TBXAS1: variants seen among roughly 807,000 people sequenced by gnomAD.
The protein encoded by TBXAS1 is thromboxane-A synthase.
Under a neutral mutation model 60.7 loss-of-function variants are expected in TBXAS1, and 48 were observed. That is an observed-to-expected ratio of 0.79 (90% CI 0.63 to 1.01). TBXAS1 has a LOEUF of 1.01. TBXAS1 is among the 50% of genes least tolerant of loss of function. The pLI is 0.00. For missense variants in TBXAS1, 685 were observed against 686.3 expected, an observed-to-expected ratio of 1.00 and a Z score of 0.02; for synonymous variants, 287 against 269.7, an observed-to-expected ratio of 1.06 and a Z score of -0.63.
intron 5 of TBXAS1, among the ~76,000 whole-genome samples, chr7:139,940,125 A>G (rs1185050274): frequency 6.6e-6 from 1 of 152,168 alleles, no homozygotes; most frequent in African/African-American, 2.4e-5. Context: ...GAGAGGAAAG[A>G]GTTTTCCTAA....
At chr7:140,005,189 A>G (rs1391791293) in intron 9 of TBXAS1, among the ~76,000 whole-genome samples, 1 of 152,276 alleles carries the variant, frequency 6.6e-6, no homozygotes, top group East Asian at 1.9e-4. Flanking sequence ...AGCACTTTGG[A>G]AGGCCGAGGC....
intron 9 of TBXAS1, among the ~76,000 whole-genome samples, chr7:139,990,079 A>T (rs1211766846): frequency 1.3e-5 from 2 of 152,180 alleles, no homozygotes; most frequent in Non-Finnish European, 2.9e-5. Context: ...ATGAAATGAC[A>T]CAAGTGAAAC....
chr7:139,797,135 AAAG>A (rs1760807732), intron 4 of TBXAS1: 1 of 152,252 alleles, frequency 6.6e-6, no homozygotes, highest in African/African-American at 2.4e-5. Flanking sequence ...ACATAAATAG[AAAG>A]AAGGCCTACC....
At chr7:139,786,179 A>G (rs1473823458) in intron 3 of TBXAS1, among the ~76,000 whole-genome samples, 2 of 151,598 alleles carry the variant, frequency 1.3e-5, no homozygotes, top group Non-Finnish European at 2.9e-5. Context: ...TGATAAGGGA[A>G]ATGATTTCAT....
intron 9 of TBXAS1, among the ~76,000 whole-genome samples, chr7:139,977,394 C>T (rs952059868): frequency 6.6e-6 from 1 of 152,126 alleles, no homozygotes; most frequent in African/African-American, 2.4e-5. Context: ...CTCACTATCA[C>T]GAGAACAGCA....
chr7:139,905,009 T>TTCTTTCTTTCTTTCTC, intron 3 of TBXAS1, among the ~76,000 whole-genome samples: 1 of 63,948 alleles, frequency 1.6e-5, no homozygotes, highest in East Asian at 3.9e-4. Context: ...CTTTCTCTCT[T>TTCTTTCTTTCTTTCTC]TCTTTCTTTC....
At chr7:139,984,604 A>G (rs1307022683) in intron 9 of TBXAS1, among the ~76,000 whole-genome samples, 1 of 134,930 alleles carries the variant, frequency 7.4e-6, no homozygotes, top group East Asian at 2.2e-4. Context: ...AAATAAAAAA[A>G]TAAGAAAGAA....
At chr7:139,874,807 G>A (rs1802098607) in intron 2 of TBXAS1, among the ~76,000 whole-genome samples, 1 of 152,116 alleles carries the variant, frequency 6.6e-6, no homozygotes, top group African/African-American at 2.4e-5. Flanking sequence ...ATTATAAAAT[G>A]TGTCTAGCCA....
At chr7:139,863,932 C>A (rs1423098093) in intron 1 of TBXAS1, among the ~76,000 whole-genome samples, 7 of 152,062 alleles carry the variant, frequency 4.6e-5, no homozygotes, top group African/African-American at 1.7e-4. Flanking sequence ...ATCTTCAACC[C>A]AATAAAGGAT....
In TBXAS1 at chr7:139,927,924, A is replaced by G. The variant is rs978347534; in HGVS notation, c.334-8267A>G. On this transcript the variant is annotated intron_variant, in intron 4 of 12. Coordinates refer to ENST00000448866, the MANE Select transcript of TBXAS1 (RefSeq NM_001061.7). ...TTTATAGAGATTTCTCAAATTTTCTATGTTAGACAATCATGCCATCTACAA... is the reference window on the plus strand; with the variant it reads ...TTTATAGAGATTTCTCAAATTTTCTGTGTTAGACAATCATGCCATCTACAA... Among the ~76,000 whole-genome samples the G allele has an allele frequency of 2.6e-5, 4 of 152,264 alleles. No individual in the cohort carries two copies. The East Asian group carries it at 5.8e-4, about 22-fold the overall frequency.
intron 3 of TBXAS1, among the ~76,000 whole-genome samples, chr7:139,900,400 C>G (rs1393533323): frequency 1.3e-5 from 2 of 152,152 alleles, no homozygotes. Flanking sequence ...TATTAATCTC[C>G]AGGACCCATG....
rs1412459566 is a variant in TBXAS1, at chr7:139,990,996, T to C, written c.1135-16095T>C. Reference sequence around the variant, plus strand: ...GAGACACGAAGACAAAAGAAACAAATGATTCCTTAAGATCCATGGCCAAAA... The same window carrying C: ...GAGACACGAAGACAAAAGAAACAAACGATTCCTTAAGATCCATGGCCAAAA... On this transcript the variant is annotated intron_variant, in intron 9 of 12. Transcript: ENST00000448866. 3.9e-5 allele frequency among the ~76,000 whole-genome samples: 6 copies of C among 152,156 alleles called. No individual in the cohort carries two copies. In the East Asian group the frequency reaches 1.2e-3, roughly 30 times the overall value.
intron 6 of TBXAS1, among the ~76,000 whole-genome samples, chr7:139,954,340 C>G (rs975059192): frequency 6.6e-6 from 1 of 152,200 alleles, no homozygotes; most frequent in South Asian, 2.1e-4. Context: ...GATAAGGTGG[C>G]CTCATCAGCT....
At chr7:140,017,148 C>T (rs1815144767) in intron 11 of TBXAS1, among the ~76,000 whole-genome samples, 1 of 152,226 alleles carries the variant, frequency 6.6e-6, no homozygotes, top group Non-Finnish European at 1.5e-5. Flanking sequence ...GCAAAGCAAA[C>T]ACGGGCAGGA....
chr7:139,945,729 T>C (rs1431220189), intron 5 of TBXAS1, among the ~76,000 whole-genome samples: 1 of 152,204 alleles, frequency 6.6e-6, no homozygotes, highest in Non-Finnish European at 1.5e-5. Context: ...AAACTTTTGT[T>C]AGCTCATTGT....
At chr7:139,804,815 A>G (rs1375431442) in intron 4 of TBXAS1, among the ~76,000 whole-genome samples, 1 of 152,200 alleles carries the variant, frequency 6.6e-6, no homozygotes, top group Non-Finnish European at 1.5e-5. Flanking sequence ...CCTCCCACCC[A>G]TGTGAAACTG....
chr7:139,881,966 A>T lies in TBXAS1; in HGVS notation c.236+6329A>T, dbSNP rs372436180. On this transcript the variant is annotated intron_variant, in intron 3 of 12. Transcript: ENST00000448866. ...TACATAAGGAAAAGCATGTGGCATC[A>T]GCAATCAAAATAACAAGGTCGTTTC... is the stretch of plus-strand genomic sequence containing the variant. Among the ~76,000 whole-genome samples, 4 of 152,362 alleles carry T rather than the reference A, an allele frequency of 2.6e-5. No individual in the cohort carries two copies. In the East Asian group the frequency reaches 7.7e-4, roughly 29 times the overall value.
intron 1 of TBXAS1, among the ~76,000 whole-genome samples, chr7:139,835,360 G>A (rs1427981655): frequency 2.0e-5 from 3 of 151,944 alleles, no homozygotes; most frequent in South Asian, 4.1e-4. Flanking sequence ...GAGCCAACAC[G>A]CCTGGCCAAT....
rs189782222 is a variant in TBXAS1, at chr7:139,904,321, C to A, written c.237-6904C>A. On this transcript the variant is annotated intron_variant, in intron 3 of 12. Transcript: ENST00000448866. ...TTGGTCTATATGCCTGTTTTTATAC[C>A]AGTATCATGCTGTTTTGGTAGCTAT... Among the ~76,000 whole-genome samples the A allele has an allele frequency of 2.0e-3, 310 of 152,030 alleles. 6 individuals carry two copies. Among genetic ancestry groups the A allele is most frequent in the African/African-American group, 7.2e-3 (297 of 41,368 alleles).
Sources: gnomAD v4.1 joint callset for allele counts (sites outside exome capture counted in the v4.1 genomes callset) on GRCh38, gnomAD v4.1.1 for gene constraint, MANE v1.5 for transcripts, NCBI Gene and HGNC (gene_info 2026-07-23, HGNC 2026-07-21) for gene names.